The following TTLL1 variants were observed in gnomAD, a reference collection of about 807,000 sequenced individuals.
TTLL1 encodes polyglutamylase complex subunit TTLL1.
TTLL1 carries 33 observed loss-of-function variants against 47.8 expected under a neutral mutation model. The ratio of observed to expected loss-of-function variants is 0.69; its 90% CI spans 0.52 to 0.92. The LOEUF is 0.92. Among genes scored for constraint, TTLL1 ranks in the 40% least tolerant of loss-of-function variants. The pLI, the probability that TTLL1 is intolerant of heterozygous loss-of-function variation, is 0.00. For synonymous variants in TTLL1, 225 were observed against 214.1 expected (o/e 1.05, Z -0.45); for missense variants, 488 against 547.5 (o/e 0.89, Z 1.08).
intron 5 of TTLL1, among the ~76,000 whole-genome samples, chr22:43,066,417 G>C (rs1257463877): frequency 1.3e-5 from 2 of 151,798 alleles, no homozygotes; most frequent in African/African-American, 4.8e-5. Context: ...CTGGGGGCTA[G>C]CAAAGTGTAA....
At position 43,046,553 on chromosome 22, in the gene TTLL1, G is replaced by C. The variant is rs141279328; in HGVS notation, c.999C>G (p.Leu333=). Reference sequence around the variant, plus strand: ...TTCGGTCATTGGCAGTGCTGGACGTGAGAGACGGGGACGCATTCACCTGTG... The same window carrying C: ...TTCGGTCATTGGCAGTGCTGGACGTCAGAGACGGGGACGCATTCACCTGTG... ...WLIEVNASPS[L]TSSTANDRIL... is the part of the protein sequence containing the mutation. Residue 333 remains leucine (L), a synonymous_variant, in exon 10 of 11, where the codon CTC becomes CTG. Transcript: ENST00000266254. The C allele has an allele frequency of 6.2e-6, 10 of 1,614,162 alleles. No homozygotes were observed. The highest frequency in any genetic ancestry group is 8.5e-6 in the Non-Finnish European group (10 of 1,180,018).
At chr22:43,064,559 T>C (rs1206445212) in intron 5 of TTLL1, among the ~76,000 whole-genome samples, 3 of 151,752 alleles carry the variant, frequency 2.0e-5, no homozygotes, top group Admixed American at 6.6e-5. Flanking sequence ...ACCCCGTCTC[T>C]GCTAAAAAGA....
intron 1 of TTLL1, among the ~76,000 whole-genome samples, chr22:43,086,102 T>A (rs951829807): frequency 1.3e-5 from 2 of 150,410 alleles, no homozygotes; most frequent in African/African-American, 4.8e-5. Flanking sequence ...ATACCTGATA[T>A]CAGATTGTTT....
At chr22:43,047,871 C>T (rs1926267678) in intron 9 of TTLL1, among the ~76,000 whole-genome samples, 1 of 152,152 alleles carries the variant, frequency 6.6e-6, no homozygotes, top group Admixed American at 6.5e-5. Context: ...AAGCTGTTTA[C>T]ATTTCTCCCA....
rs369518770 is a variant in TTLL1 at position 43,063,816 on chromosome 22, G to A, written c.744C>T (p.His248=). 36 of 1,613,616 alleles carry A rather than the reference G, an allele frequency of 2.2e-5. No homozygotes were observed. The East Asian group carries it at 6.5e-4, about 29-fold the overall frequency. Residue 248 remains histidine (H), a synonymous_variant, in exon 7 of 11, where the codon CAC becomes CAT. Coordinates refer to ENST00000266254, the MANE Select transcript of TTLL1 (RefSeq NM_012263.5). ...ACAAATGAAAGGACACACTCACCCCGTGTTTCTGGATGGCGACGTTGGTGA... is the reference window on the plus strand; with the variant it reads ...ACAAATGAAAGGACACACTCACCCCATGTTTCTGGATGGCGACGTTGGTGA... The part of the protein sequence containing the change: ...VHLTNVAIQK[H]GEDYNHIHGG...
chr22:43,084,844 A>T (rs973411525), intron 1 of TTLL1, among the ~76,000 whole-genome samples: 1 of 151,672 alleles, frequency 6.6e-6, no homozygotes, highest in Non-Finnish European at 1.5e-5. Context: ...TCTTATCATC[A>T]GGTGGTTAGG....
chr22:43,079,567 C>A (rs1375698235), intron 2 of TTLL1, among the ~76,000 whole-genome samples: 1 of 152,232 alleles, frequency 6.6e-6, no homozygotes, highest in African/African-American at 2.4e-5. Context: ...GCCGTCCAGG[C>A]TGCATGGTTC....
At chr22:43,055,275 C>T (rs1926924460) in intron 8 of TTLL1, among the ~76,000 whole-genome samples, 1 of 151,642 alleles carries the variant, frequency 6.6e-6, no homozygotes, top group Non-Finnish European at 1.5e-5. Context: ...CCGCCCACCT[C>T]AGCCTCTCAA....
At chr22:43,072,154 CTTTTTTT>C (rs60673775) in intron 3 of TTLL1, among the ~76,000 whole-genome samples, 579 of 138,872 alleles carry the variant, frequency 4.2e-3, no homozygotes, top group Non-Finnish European at 6.3e-3. Context: ...TTTTCTTTTT[CTTTTTTT>C]TTTTTTTTTT....
intron 7 of TTLL1, 56 bp from the exon 8 acceptor site, chr22:43,059,583 A>G: frequency 6.4e-7 from 1 of 1,550,658 alleles, no homozygotes; most frequent in East Asian, 2.3e-5. Context: ...AGAGGAACCC[A>G]GCGGAACCGT....
intron 9 of TTLL1, among the ~76,000 whole-genome samples, chr22:43,049,820 A>C (rs5759117): frequency 0.14 from 20,570 of 150,894 alleles, 2,004 homozygotes; most frequent in East Asian, 0.41. Context: ...TTGGCTGGGC[A>C]CGGTGGCTCA....
chr22:43,061,809 C>T (rs965089208), intron 7 of TTLL1, among the ~76,000 whole-genome samples: 1 of 152,156 alleles, frequency 6.6e-6, no homozygotes, highest in African/African-American at 2.4e-5. Flanking sequence ...ACACGTTGTA[C>T]CTACTACTAT....
In TTLL1 at chr22:43,073,638, G is replaced by A. The variant is rs145277773; in HGVS notation, c.113+1836C>T. On this transcript the variant is annotated intron_variant, in intron 3 of 10. Transcript: ENST00000266254. ...CCCAAAGTGCTGGGATTACAGGCAT[G>A]AGCCGCTGTGCCCAGCCCATCATAA... Among the ~76,000 whole-genome samples the A allele has an allele frequency of 6.1e-3, 935 of 152,066 alleles. 10 individuals carry two copies. Among genetic ancestry groups the A allele is most frequent in the African/African-American group, 0.021 (886 of 41,468 alleles).
Position 43,069,635 on chromosome 22 carries a change from C to T in TTLL1, c.322+1G>A. 2 of 1,614,124 alleles carry T rather than the reference C, an allele frequency of 1.2e-6. No homozygotes were observed. The highest frequency in any genetic ancestry group is 1.7e-6 in the Non-Finnish European group (2 of 1,180,028). On this transcript the variant is annotated splice_donor_variant, in intron 4 of 10. Transcript: ENST00000266254. LOFTEE classifies it high-confidence loss of function. The stretch of plus-strand genomic sequence containing the variant: ...CATGAGCCGGTGGAAGACGCACAAA[C>T]CCAGATAGAGGTATTTTCCATTTTC...
intron 1 of TTLL1, among the ~76,000 whole-genome samples, chr22:43,086,272 A>G (rs1929222046): frequency 1.3e-5 from 2 of 152,308 alleles, no homozygotes; most frequent in African/African-American, 4.8e-5. Context: ...ACAGAGTGAC[A>G]TATTGACCTT....
At chr22:43,088,050 A>T (rs573154416) in intron 1 of TTLL1, among the ~76,000 whole-genome samples, 90 of 151,280 alleles carry the variant, frequency 5.9e-4, no homozygotes, top group African/African-American at 2.0e-3. Flanking sequence ...TGGGAGGCTG[A>T]GGCAGGAGAA....
intron 3 of TTLL1, 42 bp downstream of exon 3, chr22:43,075,432 T>C (rs1178631721): frequency 8.4e-6 from 13 of 1,547,008 alleles, no homozygotes; most frequent in Non-Finnish European, 1.2e-5. Context: ...AACCGATACG[T>C]AAGCCTCAGA....
At chr22:43,042,880 G>A (rs1925797959) in intron 10 of TTLL1, among the ~76,000 whole-genome samples, 1 of 151,826 alleles carries the variant, frequency 6.6e-6, no homozygotes, top group Non-Finnish European at 1.5e-5. Flanking sequence ...AGGGAGGGGG[G>A]TTCACCTTGT....
chr22:43,068,953 T>C (rs1379356556), intron 4 of TTLL1, among the ~76,000 whole-genome samples: 3 of 152,114 alleles, frequency 2.0e-5, no homozygotes, highest in African/African-American at 7.2e-5. Flanking sequence ...CCAGCTTTTA[T>C]CCCGGACTTG....
Sources: allele counts gnomAD v4.1 joint callset (sites outside exome capture counted in the v4.1 genomes callset), GRCh38; gene constraint gnomAD v4.1.1; transcripts MANE v1.5; gene names NCBI Gene and HGNC (gene_info 2026-07-23, HGNC 2026-07-21).